Variants in SYN2 observed in about 807,000 individuals in gnomAD.
SYN2 encodes the protein synapsin II.
A neutral mutation model predicts 50.9 loss-of-function variants in SYN2; 19 were observed. The ratio of observed to expected loss-of-function variants is 0.37; its 90% confidence interval spans 0.26 to 0.55. The LOEUF is 0.55. Among genes scored for constraint, SYN2 ranks in the 20% least tolerant of loss-of-function variants. The pLI is 0.81. For synonymous variants in SYN2, 255 were observed against 224.9 expected, an observed-to-expected ratio of 1.13 and a Z score of -1.20; for missense variants, 587 against 576.4, an observed-to-expected ratio of 1.02 and a Z score of -0.19.
At chr3:12,070,890 T>G in intron 1 of SYN2, 1 of 567,494 alleles carries the variant, frequency 1.8e-6, no homozygotes, top group Non-Finnish European at 3.5e-6. Context: ...AGCCGTGCTA[T>G]GTTGCCCTGG....
chr3:12,173,596 T>A (rs1469668545), intron 10 of SYN2, among the ~76,000 whole-genome samples: 3 of 152,058 alleles, frequency 2.0e-5, no homozygotes, highest in Non-Finnish European at 4.4e-5. Context: ...GCTCCAACCA[T>A]CCCACTGAAA....
chr3:12,157,365 C>T, intron 5 of SYN2: 3 of 1,611,630 alleles, frequency 1.9e-6, no homozygotes, highest in Non-Finnish European at 2.5e-6. Flanking sequence ...GGCTACACAT[C>T]CCAGCCTGCC....
chr3:12,159,119 A>G (rs1697562708), intron 5 of SYN2: 1 of 426,260 alleles, frequency 2.3e-6, no homozygotes, highest in Admixed American at 4.2e-5. Context: ...GCGATCTGGA[A>G]GCAGAGGGGA....
At chr3:12,173,838 C>T (rs776253977) in intron 10 of SYN2, among the ~76,000 whole-genome samples, 70 of 152,260 alleles carry the variant, frequency 4.6e-4, no homozygotes, top group East Asian at 1.2e-3. Flanking sequence ...CACCTGAACC[C>T]GGGAAGCAGA....
intron 1 of SYN2, among the ~76,000 whole-genome samples, chr3:12,134,728 C>T (rs1696859537): frequency 6.6e-6 from 1 of 152,108 alleles, no homozygotes; most frequent in Admixed American, 6.5e-5. Context: ...TGTACATCCT[C>T]CTGGACTATA....
intron 3 of SYN2, 50 bp from the exon 4 acceptor site, chr3:12,145,629 A>G (rs569276616): frequency 1.3e-6 from 2 of 1,592,640 alleles, no homozygotes; most frequent in African/African-American, 2.7e-5. Context: ...AAAATGATGT[A>G]TGGCCTGAAG....
At chr3:12,178,053 A>C (rs1698124608) in intron 10 of SYN2, among the ~76,000 whole-genome samples, 1 of 152,176 alleles carries the variant, frequency 6.6e-6, no homozygotes, top group Non-Finnish European at 1.5e-5. Context: ...GTGCCTCAAA[A>C]CATGCGGTCC....
intron 1 of SYN2, among the ~76,000 whole-genome samples, chr3:12,125,983 A>G (rs552850161): frequency 4.6e-5 from 7 of 152,334 alleles, no homozygotes; most frequent in African/African-American, 1.7e-4. Context: ...TTTCCTACAC[A>G]TGAATGACAG....
chr3:12,157,614 A>G, intron 5 of SYN2: 1 of 775,402 alleles, frequency 1.3e-6, no homozygotes, highest in Non-Finnish European at 2.1e-6. Context: ...GTTGTGAGCA[A>G]CGTGATGTGT....
At position 12,187,483 on chromosome 3, in the gene SYN2, C is replaced by T. The variant is rs1037340242; in HGVS notation, c.1484C>T (p.Ser495Phe). The part of the protein sequence containing the change: ...PSSSSSSSSS[S>F]SAPQRPGGPT... ...TCCTCTTCCTCCTCTTCTTCCTCCT[C>T]CTCGGCTCCTCAGCGGCCGGGCGGC... is the stretch of plus-strand genomic sequence containing the variant. The change falls in exon 12 of 13, where the codon TCC becomes TTC. Residue 495 changes from serine (S) to phenylalanine (F), a missense_variant. Transcript: ENST00000621198. The T allele has an allele frequency of 1.3e-5, 20 of 1,554,062 alleles. No individual in the cohort carries two copies. Among genetic ancestry groups the T allele is most frequent in the Admixed American group, 5.9e-5 (3 of 51,200 alleles).
intron 11 of SYN2, chr3:12,185,008 C>T: frequency 1.0e-6 from 1 of 985,780 alleles, no homozygotes; most frequent in Non-Finnish European, 1.2e-6. Flanking sequence ...GTTACGTATC[C>T]AGGGGCTTGT....
intron 1 of SYN2, among the ~76,000 whole-genome samples, chr3:12,108,908 G>A (rs1386332773): frequency 4.7e-5 from 7 of 149,790 alleles, no homozygotes; most frequent in Non-Finnish European, 8.9e-5. Context: ...GGAAATAGAT[G>A]AAAAACTCAA....
intron 1 of SYN2, among the ~76,000 whole-genome samples, chr3:12,041,114 C>T (rs960869919): frequency 3.9e-5 from 6 of 152,198 alleles, no homozygotes; most frequent in African/African-American, 1.4e-4. Context: ...GCTTGACAGA[C>T]TGACTCAGAC....
chr3:12,068,684 GT>G (rs143857461), intron 1 of SYN2, among the ~76,000 whole-genome samples: 4,687 of 150,956 alleles, frequency 0.031, 270 homozygotes, highest in African/African-American at 0.11. Flanking sequence ...TCATTTCTGA[GT>G]TTTTTTTTCT....
intron 11 of SYN2, among the ~76,000 whole-genome samples, chr3:12,186,281 C>T (rs1437277852): frequency 6.6e-6 from 1 of 152,078 alleles, no homozygotes; most frequent in African/African-American, 2.4e-5. Context: ...TTCCACTAGT[C>T]AGTAGGTGCT....
intron 10 of SYN2, among the ~76,000 whole-genome samples, chr3:12,173,860 G>A (rs1237151520): frequency 6.6e-6 from 1 of 152,136 alleles, no homozygotes; most frequent in Non-Finnish European, 1.5e-5. Flanking sequence ...GTTGCAGTGA[G>A]CCGAGATCGT....
intron 1 of SYN2, among the ~76,000 whole-genome samples, chr3:12,056,449 A>G (rs1326430788): frequency 6.6e-6 from 1 of 151,742 alleles, no homozygotes; most frequent in Non-Finnish European, 1.5e-5. Flanking sequence ...GGCTTTCTGT[A>G]TCTTTGTTTT....
intron 1 of SYN2, among the ~76,000 whole-genome samples, chr3:12,008,746 A>G (rs1232235490): frequency 2.6e-5 from 4 of 152,210 alleles, no homozygotes; most frequent in Non-Finnish European, 4.4e-5. Flanking sequence ...GAGTTAAGAG[A>G]TGGATCTGGG....
chr3:12,087,232 A>G (rs183691912), intron 1 of SYN2, among the ~76,000 whole-genome samples: 1 of 152,212 alleles, frequency 6.6e-6, no homozygotes, highest in East Asian at 1.9e-4. Flanking sequence ...AAATGGAAAG[A>G]TATCTTGTGT....
Sources: gnomAD v4.1 joint callset for allele counts (sites outside exome capture counted in the v4.1 genomes callset) on GRCh38, gnomAD v4.1.1 for gene constraint, MANE v1.5 for transcripts, NCBI Gene and HGNC (gene_info 2026-07-23, HGNC 2026-07-21) for gene names.